Variants in GRM7 observed in about 807,000 individuals in gnomAD.
GRM7 encodes the protein metabotropic glutamate receptor 7.
Under a neutral mutation model 84.5 loss-of-function variants are expected in GRM7, and 35 were observed. The observed-to-expected ratio is 0.41, with a 90% CI of 0.32 to 0.55. GRM7 has a LOEUF of 0.55. Among genes scored for constraint, GRM7 ranks in the 20% least tolerant of loss-of-function variants. GRM7 has a pLI of 0.19. For missense variants in GRM7, 1,003 were observed against 1,194.6 expected (o/e 0.84, Z 2.36); for synonymous variants, 487 against 455.1 (o/e 1.07, Z -0.89).
chr3:7,623,626 G>T (rs149205465), intron 8 of GRM7, among the ~76,000 whole-genome samples: 1 of 152,196 alleles, frequency 6.6e-6, no homozygotes, highest in Non-Finnish European at 1.5e-5. Context: ...TGCAGATCAG[G>T]CCAACCATCT....
chr3:7,240,177 C>A (rs886623907), intron 2 of GRM7, among the ~76,000 whole-genome samples: 4 of 88,696 alleles, frequency 4.5e-5, no homozygotes, highest in Admixed American at 1.9e-4. Context: ...GTTTGGCAAT[C>A]TGATGGAGAA....
chr3:7,005,432 C>T (rs969247077), intron 1 of GRM7, among the ~76,000 whole-genome samples: 1 of 152,180 alleles, frequency 6.6e-6, no homozygotes, highest in Non-Finnish European at 1.5e-5. Flanking sequence ...AACCTATAAT[C>T]CTGGCACCTT....
intron 7 of GRM7, among the ~76,000 whole-genome samples, chr3:7,508,967 C>A (rs188786469): frequency 6.6e-6 from 1 of 152,152 alleles, no homozygotes; most frequent in Admixed American, 6.6e-5. Context: ...TGTGGTTTCA[C>A]TTTTCAAAGT....
At chr3:7,517,565 G>A (rs1037845615) in intron 7 of GRM7, among the ~76,000 whole-genome samples, 1 of 151,982 alleles carries the variant, frequency 6.6e-6, no homozygotes, top group Admixed American at 6.6e-5. Flanking sequence ...GCCAATTTTT[G>A]TATTTTTTTG....
At chr3:7,306,674 G>A (rs1470381369) in intron 4 of GRM7, 22 bp downstream of exon 4, 1 of 1,557,960 alleles carries the variant, frequency 6.4e-7, no homozygotes, top group Non-Finnish European at 8.7e-7. Flanking sequence ...ATCAGCAGTA[G>A]GTTTGCTGAG....
chr3:6,916,451 T>A (rs906761133), intron 1 of GRM7, among the ~76,000 whole-genome samples: 5 of 152,212 alleles, frequency 3.3e-5, no homozygotes, highest in Admixed American at 6.5e-5. Context: ...GTCACTGAAA[T>A]GAGCAATAAA....
At chr3:6,949,810 C>A (rs1465990703) in intron 1 of GRM7, among the ~76,000 whole-genome samples, 1 of 152,130 alleles carries the variant, frequency 6.6e-6, no homozygotes, top group Admixed American at 6.5e-5. Context: ...TTCATTTGAT[C>A]TTCCATCTCT....
At chr3:7,316,274 A>C (rs188902747) in intron 4 of GRM7, among the ~76,000 whole-genome samples, 215 of 152,268 alleles carry the variant, frequency 1.4e-3, no homozygotes, top group Non-Finnish European at 1.8e-3. Flanking sequence ...TTACGAGTAA[A>C]GTAAGAGACC....
chr3:7,385,493 G>T (rs1171531810), intron 4 of GRM7, among the ~76,000 whole-genome samples: 2 of 151,430 alleles, frequency 1.3e-5, no homozygotes, highest in Non-Finnish European at 2.9e-5. Flanking sequence ...GTAGAGACAG[G>T]GTTTCACCAT....
intron 1 of GRM7, among the ~76,000 whole-genome samples, chr3:7,040,550 AC>A (rs1209715296): frequency 1.3e-5 from 2 of 151,560 alleles, no homozygotes; most frequent in African/African-American, 4.8e-5. Flanking sequence ...TGATCTGTCC[AC>A]CTCGGCCTCC....
chr3:6,975,539 C>G (rs372701858), intron 1 of GRM7, among the ~76,000 whole-genome samples: 1 of 152,070 alleles, frequency 6.6e-6, no homozygotes, highest in African/African-American at 2.4e-5. Context: ...CTCCTTAAAA[C>G]GTTTTATATC....
Position 6,931,014 on chromosome 3 carries a change from C to T in GRM7, c.519+69107C>T, listed in dbSNP as rs149206408. Among the ~76,000 whole-genome samples, 185 of 152,274 alleles carry T rather than the reference C, an allele frequency of 1.2e-3. 3 individuals carry two copies. In the East Asian group the frequency reaches 0.025, roughly 20 times the overall value. On this transcript the variant is annotated intron_variant, in intron 1 of 9. Transcript: ENST00000357716. ...CTGTCATTACCTCCACACTCATAAT[C>T]GCTTCTATCAATTCTAGCACCTAAA...
chr3:7,148,402 G>T (rs147814956), intron 2 of GRM7, among the ~76,000 whole-genome samples: 56 of 152,276 alleles, frequency 3.7e-4, no homozygotes, highest in Admixed American at 9.2e-4. Context: ...TTAAAAGTGA[G>T]CCTCAAATTT....
At position 7,508,194 on chromosome 3, in the gene GRM7, C is replaced by T. The variant is rs146130939; in HGVS notation, c.1515+46472C>T. ...ATAGCTGTAGTGAACCTATCAAAAC[C>T]AGAATATATGGGCTAGGGTTTAGTG... On this transcript the variant is annotated intron_variant, in intron 7 of 9. Transcript: ENST00000357716. 8.4e-3 allele frequency among the ~76,000 whole-genome samples: 1,283 copies of T among 152,050 alleles called. 5 individuals carry two copies. Among genetic ancestry groups the T allele is most frequent in the Middle Eastern group, 0.014 (4 of 294 alleles).
At chr3:6,888,571 G>T (rs1695799455) in intron 1 of GRM7, among the ~76,000 whole-genome samples, 1 of 152,060 alleles carries the variant, frequency 6.6e-6, no homozygotes, top group Non-Finnish European at 1.5e-5. Context: ...TGAGGGCTCT[G>T]TTCTGTTCCA....
intron 1 of GRM7, among the ~76,000 whole-genome samples, chr3:7,000,410 C>A (rs1694971358): frequency 6.6e-6 from 1 of 152,072 alleles, no homozygotes; most frequent in South Asian, 2.1e-4. Flanking sequence ...TGGTCTCGAA[C>A]TCCTGACTTC....
intron 2 of GRM7, among the ~76,000 whole-genome samples, chr3:7,276,813 G>A: frequency 0.5 from 2 of 4 alleles, 1 homozygote; most frequent in Non-Finnish European, 0.5. Flanking sequence ...CTTTTTGGTG[G>A]TGGCATGTTG....
intron 2 of GRM7, among the ~76,000 whole-genome samples, chr3:7,294,071 G>GT (rs1319361475): frequency 6.6e-6 from 1 of 152,180 alleles, no homozygotes; most frequent in East Asian, 1.9e-4. Flanking sequence ...CTGTTGAGGT[G>GT]TTTAATTTTG....
At chr3:7,636,952 C>T (rs1049851149) in intron 8 of GRM7, among the ~76,000 whole-genome samples, 3 of 152,230 alleles carry the variant, frequency 2.0e-5, no homozygotes, top group Non-Finnish European at 4.4e-5. Flanking sequence ...AAAAGCATAC[C>T]GTGAAATGGT....
Sources: gnomAD v4.1 joint callset for allele counts (sites outside exome capture counted in the v4.1 genomes callset) on GRCh38, gnomAD v4.1.1 for gene constraint, MANE v1.5 for transcripts, NCBI Gene and HGNC (gene_info 2026-07-23, HGNC 2026-07-21) for gene names.